AHI1: variants seen among roughly 807,000 people sequenced by gnomAD.
AHI1 encodes jouberin.
Under a neutral mutation model 149.3 loss-of-function variants are expected in AHI1, and 123 were observed. The observed-to-expected ratio is 0.82, with a 90% CI of 0.71 to 0.96. The LOEUF (loss-of-function observed/expected upper bound fraction) is 0.96, where lower values mean the gene tolerates loss of function less well. Ranked by LOEUF, AHI1 falls within the 40% of genes least tolerant of loss-of-function variation. AHI1 has a pLI of 0.00. For synonymous variants in AHI1, 475 were observed against 459.8 expected, an observed-to-expected ratio of 1.03 and a Z score of -0.42; for missense variants, 1,439 against 1,422.7, an observed-to-expected ratio of 1.01 and a Z score of -0.18.
intron 24 of AHI1, among the ~76,000 whole-genome samples, chr6:135,345,848 T>C (rs1332447236): frequency 6.6e-6 from 1 of 152,080 alleles, no homozygotes; most frequent in East Asian, 1.9e-4. Context: ...AAAAAGAACA[T>C]CATGGAAATG....
chr6:135,475,488 G>C (rs1203893946), intron 5 of AHI1, among the ~76,000 whole-genome samples: 1 of 152,192 alleles, frequency 6.6e-6, no homozygotes, highest in East Asian at 1.9e-4. Context: ...GCTTATGTTA[G>C]CAATGTGATT....
chr6:135,290,654 G>C (rs1176819531), intron 27 of AHI1, 129 bp from the exon 28 acceptor site: 1 of 830,376 alleles, frequency 1.2e-6, no homozygotes, highest in East Asian at 2.4e-5. Context: ...ATATGACAGA[G>C]AAAAACATCC....
chr6:135,400,552 T>C (rs565999778), intron 22 of AHI1, among the ~76,000 whole-genome samples: 16 of 152,290 alleles, frequency 1.1e-4, no homozygotes, highest in African/African-American at 3.8e-4. Flanking sequence ...CGAAAGCAGT[T>C]ATTATGTAAA....
chr6:135,400,412 T>A (rs1262002193), intron 22 of AHI1, among the ~76,000 whole-genome samples: 1 of 152,096 alleles, frequency 6.6e-6, no homozygotes, highest in Non-Finnish European at 1.5e-5. Flanking sequence ...CTCAATAAAC[T>A]TCAACTTGGC....
At chr6:135,415,082 C>A (rs892908884) in intron 20 of AHI1, among the ~76,000 whole-genome samples, 8 of 149,838 alleles carry the variant, frequency 5.3e-5, no homozygotes, top group African/African-American at 2.0e-4. Context: ...TTTGTCCTTG[C>A]GATAGTTTGC....
intron 5 of AHI1, among the ~76,000 whole-genome samples, chr6:135,482,215 T>C (rs906814051): frequency 2.6e-5 from 4 of 152,120 alleles, no homozygotes; most frequent in Non-Finnish European, 5.9e-5. Context: ...TATAGGTCAT[T>C]GGTGTTCTCT....
At chr6:135,299,668 G>C (rs922093375) in intron 27 of AHI1, among the ~76,000 whole-genome samples, 3 of 152,134 alleles carry the variant, frequency 2.0e-5, no homozygotes, top group Non-Finnish European at 4.4e-5. Flanking sequence ...AGGCAAAAGA[G>C]TGACTTTTGA....
intron 5 of AHI1, among the ~76,000 whole-genome samples, chr6:135,479,777 C>T (rs772347528): frequency 1.3e-5 from 2 of 152,110 alleles, no homozygotes; most frequent in African/African-American, 2.4e-5. Context: ...TATGGTTTGG[C>T]TCTGTGTATC....
chr6:135,385,618 T>C (rs1184458873), intron 23 of AHI1, among the ~76,000 whole-genome samples: 1 of 152,234 alleles, frequency 6.6e-6, no homozygotes, highest in Non-Finnish European at 1.5e-5. Context: ...ATTGGAGGGC[T>C]GTAGTAGATA....
chr6:135,456,464 A>C (rs1788963908), intron 9 of AHI1, among the ~76,000 whole-genome samples: 1 of 151,540 alleles, frequency 6.6e-6, no homozygotes, highest in Non-Finnish European at 1.5e-5. Flanking sequence ...GGATCACCTG[A>C]GCCCAGGGAG....
intron 24 of AHI1, among the ~76,000 whole-genome samples, chr6:135,337,924 C>T (rs1226925191): frequency 6.6e-6 from 1 of 152,002 alleles, no homozygotes; most frequent in Non-Finnish European, 1.5e-5. Context: ...GAGAAGTTCG[C>T]GTACATGCAT....
chr6:135,339,542 A>G (rs1009407891), intron 24 of AHI1, among the ~76,000 whole-genome samples: 1 of 152,236 alleles, frequency 6.6e-6, no homozygotes, highest in African/African-American at 2.4e-5. Context: ...GTTGAAAAGA[A>G]CAATATTCAC....
intron 23 of AHI1, among the ~76,000 whole-genome samples, chr6:135,383,247 T>TTTTTTTTTTA (rs1491302296): frequency 7.3e-6 from 1 of 136,950 alleles, no homozygotes; most frequent in Non-Finnish European, 1.6e-5. Flanking sequence ...TTTTTTTTTT[T>TTTTTTTTTTA]GAGACAGGGT....
At chr6:135,362,130 GTATATA>G (rs368400513) in intron 23 of AHI1, among the ~76,000 whole-genome samples, 7 of 150,964 alleles carry the variant, frequency 4.6e-5, no homozygotes, top group Non-Finnish European at 1.0e-4. Context: ...GTGAGTGTGT[GTATATA>G]TATATATGTA....
chr6:135,410,224 G>T (rs1372555791), intron 21 of AHI1, among the ~76,000 whole-genome samples: 1 of 152,026 alleles, frequency 6.6e-6, no homozygotes, highest in Admixed American at 6.6e-5. Context: ...TTTTTAATTA[G>T]CCAGGCCTGG....
chr6:135,319,345 C>T (rs1207222512), intron 25 of AHI1, among the ~76,000 whole-genome samples: 3 of 152,092 alleles, frequency 2.0e-5, no homozygotes, highest in South Asian at 2.1e-4. Flanking sequence ...GGCATGGTGG[C>T]GTGCACCTGT....
Position 135,302,331 on chromosome 6 carries a change from G to T in AHI1, c.3427-1773C>A, listed in dbSNP as rs981132576. The T allele has an allele frequency of 7.1e-6, 7 of 985,542 alleles. No homozygotes were observed. The African/African-American group carries it at 1.0e-4, about 15-fold the overall frequency. The allele number at this position is 985,542 out of a possible 1,614,324, so 61.0% of individuals were successfully genotyped here. On this transcript the variant is annotated intron_variant, in intron 26 of 28. Coordinates refer to ENST00000265602, the MANE Select transcript of AHI1 (RefSeq NM_001134831.2). ...ACCTATTCCAGAGGTTGAGGGGAGAGAAGTCATACTGAACTATATACCAGT... is the reference window on the plus strand; with the variant it reads ...ACCTATTCCAGAGGTTGAGGGGAGATAAGTCATACTGAACTATATACCAGT...
chr6:135,425,529 T>C (rs1247546764), intron 20 of AHI1, among the ~76,000 whole-genome samples: 1 of 151,866 alleles, frequency 6.6e-6, no homozygotes, highest in African/African-American at 2.4e-5. Flanking sequence ...GTTTCAATAT[T>C]GTGCTTATCA....
At chr6:135,433,006 C>T (rs1365858346) in intron 16 of AHI1, 21 bp downstream of exon 16, 3 of 1,571,154 alleles carry the variant, frequency 1.9e-6, no homozygotes, top group South Asian at 2.2e-5. Context: ...AGCTGGTCTT[C>T]ATTCATAGTC....
Sources: allele counts gnomAD v4.1 joint callset (sites outside exome capture counted in the v4.1 genomes callset), GRCh38; gene constraint gnomAD v4.1.1; transcripts MANE v1.5; gene names NCBI Gene and HGNC (gene_info 2026-07-23, HGNC 2026-07-21).